The following COLEC10 variants were observed in gnomAD, a reference collection of about 807,000 sequenced individuals.
The protein encoded by COLEC10 is collectin subfamily member 10, also known as collectin-10.
In COLEC10, 22 loss-of-function variants were observed where a neutral mutation model predicts 28.4. The ratio of observed to expected loss-of-function variants is 0.78; its 90% CI spans 0.55 to 1.11. The LOEUF is 1.11. COLEC10 is among the 50% of genes least tolerant of loss of function. The pLI, the probability that COLEC10 is intolerant of heterozygous loss-of-function variation, is 0.00. For missense variants in COLEC10, 361 were observed against 344.1 expected (o/e 1.05, Z -0.39); for synonymous variants, 125 against 116.1 (o/e 1.08, Z -0.49).
chr8:119,078,085 C>A (rs1391040652), intron 1 of COLEC10, among the ~76,000 whole-genome samples: 1 of 152,164 alleles, frequency 6.6e-6, no homozygotes, highest in Non-Finnish European at 1.5e-5. Context: ...AAGAGGAGCA[C>A]CAAGTCATGC....
intron 2 of COLEC10, among the ~76,000 whole-genome samples, chr8:119,021,674 T>A (rs1386267381): frequency 6.6e-6 from 1 of 152,190 alleles, no homozygotes; most frequent in African/African-American, 2.4e-5. Flanking sequence ...AATAGAGGAA[T>A]GTTCTTCTAT....
At chr8:119,024,200 A>G (rs1436473452) in intron 2 of COLEC10, among the ~76,000 whole-genome samples, 1 of 152,148 alleles carries the variant, frequency 6.6e-6, no homozygotes, top group Non-Finnish European at 1.5e-5. Flanking sequence ...CTAGATGGGT[A>G]CCTTGAAGAA....
Position 119,011,476 on chromosome 8 carries a change from T to C in COLEC10, n.235+1923T>C, listed in dbSNP as rs1025154375. The stretch of plus-strand genomic sequence containing the variant: ...CTATACTTGGTCATTTGCCTCTCCA[T>C]ATAAACTTATATTTATTAATATCAC... On this transcript the variant is annotated intron_variant and non_coding_transcript_variant, in intron 2 of 6. Coordinates refer to the COLEC10 transcript ENST00000521788. 9.5e-5 allele frequency among the ~76,000 whole-genome samples: 8 copies of C among 84,188 alleles called. 1 individual carries two copies. The highest frequency in any genetic ancestry group is 2.2e-4 in the African/African-American group (3 of 13,658). 55.2% of individuals were successfully genotyped at this position (84,188 alleles called of 152,430 possible).
intron 2 of COLEC10, among the ~76,000 whole-genome samples, chr8:119,019,924 CT>C (rs1342853426): frequency 6.6e-6 from 1 of 152,128 alleles, no homozygotes; most frequent in Non-Finnish European, 1.5e-5. Context: ...CAAGAATTTA[CT>C]TTTGAAGAAA....
At chr8:119,047,346 G>A (rs1043618508) in intron 2 of COLEC10, among the ~76,000 whole-genome samples, 5 of 152,238 alleles carry the variant, frequency 3.3e-5, no homozygotes, top group East Asian at 3.9e-4. Context: ...AGTTCAGGGC[G>A]CAACTCCAAG....
intron 1 of COLEC10, among the ~76,000 whole-genome samples, chr8:119,076,850 A>G (rs903400645): frequency 2.6e-5 from 4 of 152,216 alleles, no homozygotes; most frequent in Admixed American, 2.6e-4. Context: ...CAAAAGAAAG[A>G]GGCCCATATG....
intron 1 of COLEC10, among the ~76,000 whole-genome samples, chr8:119,008,462 G>T (rs1303865600): frequency 2.2e-5 from 3 of 139,090 alleles, no homozygotes; most frequent in African/African-American, 8.8e-5. Context: ...TCATCATGAG[G>T]GTTTATTTTT....
chr8:118,977,639 T>C, the COLEC10 span, among the ~76,000 whole-genome samples: 2 of 147,648 alleles, frequency 1.4e-5, no homozygotes, highest in Non-Finnish European at 3.0e-5. Context: ...TCGGGAGTTA[T>C]ACCTAATGCT....
rs575842818 is a variant in COLEC10 at position 119,030,184 on chromosome 8, A to G, written n.235+20631A>G. On this transcript the variant is annotated intron_variant and non_coding_transcript_variant, in intron 2 of 6. Coordinates refer to the COLEC10 transcript ENST00000521788. ...TGGAAATATCTTAATTGTGGTCATCAATTGTAAAAGACTTTTATAGGAATA... is the reference window on the plus strand; with the variant it reads ...TGGAAATATCTTAATTGTGGTCATCGATTGTAAAAGACTTTTATAGGAATA... 3.3e-5 allele frequency among the ~76,000 whole-genome samples: 5 copies of G among 152,288 alleles called. No individual in the cohort carries two copies. The East Asian group carries it at 9.6e-4, about 29-fold the overall frequency.
At chr8:119,044,188 G>T (rs1366074569) in intron 2 of COLEC10, among the ~76,000 whole-genome samples, 1 of 152,116 alleles carries the variant, frequency 6.6e-6, no homozygotes, top group Non-Finnish European at 1.5e-5. Context: ...CTGGTTTGGA[G>T]GTTTATATAT....
chr8:119,030,475 C>A (rs888667954), intron 2 of COLEC10, among the ~76,000 whole-genome samples: 2 of 152,016 alleles, frequency 1.3e-5, no homozygotes, highest in Non-Finnish European at 2.9e-5. Flanking sequence ...ACCAGCCTGG[C>A]CAATATGGTG....
intron 3 of COLEC10, among the ~76,000 whole-genome samples, chr8:119,097,328 C>CTACG (rs1204990124): frequency 2.6e-5 from 4 of 151,784 alleles, no homozygotes; most frequent in Non-Finnish European, 5.9e-5. Context: ...TATTATCTGA[C>CTACG]TACGTTATCC....
chr8:119,040,893 GTTC>G (rs1814482754), intron 2 of COLEC10, among the ~76,000 whole-genome samples: 1 of 152,144 alleles, frequency 6.6e-6, no homozygotes, highest in Admixed American at 6.5e-5. Context: ...ATCTGGTGCT[GTTC>G]TTCTATTTGT....
At chr8:119,072,913 C>T (rs1267818658) in intron 1 of COLEC10, among the ~76,000 whole-genome samples, 1 of 152,218 alleles carries the variant, frequency 6.6e-6, no homozygotes, top group Non-Finnish European at 1.5e-5. Context: ...TTTTACTGGA[C>T]ATGGCTCTGG....
At chr8:119,042,499 C>T (rs938577542) in intron 2 of COLEC10, among the ~76,000 whole-genome samples, 6 of 152,078 alleles carry the variant, frequency 3.9e-5, no homozygotes, top group Admixed American at 2.6e-4. Flanking sequence ...TTCGAATGCT[C>T]GTGCTGCCAC....
At chr8:119,063,628 A>G (rs1268811920), upstream of COLEC10, among the ~76,000 whole-genome samples, 1 of 151,776 alleles carries the variant, frequency 6.6e-6, no homozygotes, top group East Asian at 1.9e-4. Context: ...TCTTAGCTTA[A>G]TTATGTTTGC....
At chr8:118,965,695 C>T in the COLEC10 span, among the ~76,000 whole-genome samples, 59 of 151,998 alleles carry the variant, frequency 3.9e-4, no homozygotes, top group East Asian at 4.1e-3. Context: ...GCCTCCAACA[C>T]GGTCTTTCAA....
At chr8:118,978,169 T>A in the COLEC10 span, among the ~76,000 whole-genome samples, 1 of 152,166 alleles carries the variant, frequency 6.6e-6, no homozygotes, top group Non-Finnish European at 1.5e-5. Context: ...AATGCACATT[T>A]GAATATGATT....
At chr8:119,058,624 G>A (rs770916157) in intron 2 of COLEC10, among the ~76,000 whole-genome samples, 1 of 151,998 alleles carries the variant, frequency 6.6e-6, no homozygotes, top group Non-Finnish European at 1.5e-5. Flanking sequence ...TCGTTGAATA[G>A]CATTCCATTG....
Sources: allele counts gnomAD v4.1 joint callset (sites outside exome capture counted in the v4.1 genomes callset), GRCh38; gene constraint gnomAD v4.1.1; transcripts MANE v1.5; gene names NCBI Gene and HGNC (gene_info 2026-07-23, HGNC 2026-07-21).